GAK: variants seen among roughly 807,000 people sequenced by gnomAD.
GAK encodes the protein cyclin-G-associated kinase.
In GAK, 79 loss-of-function variants were observed where a neutral mutation model predicts 143.9. The observed-to-expected ratio is 0.55, with a 90% confidence interval of 0.46 to 0.66. The LOEUF (loss-of-function observed/expected upper bound fraction) is 0.66, where lower values mean the gene tolerates loss of function less well. GAK is among the 30% of genes least tolerant of loss of function. The pLI is 0.00. For synonymous variants in GAK, 881 were observed against 765.5 expected (o/e 1.15, Z -2.49); for missense variants, 1,693 against 1,779.7 (o/e 0.95, Z 0.88).
At chr4:909,549 G>C (rs1577272647) in intron 4 of GAK, among the ~76,000 whole-genome samples, 1 of 151,890 alleles carries the variant, frequency 6.6e-6, no homozygotes, top group East Asian at 1.9e-4. Flanking sequence ...GGAGAGACAG[G>C]GACGGGAAGG....
At chr4:917,879 T>C (rs1395117316) in intron 1 of GAK, among the ~76,000 whole-genome samples, 2 of 152,044 alleles carry the variant, frequency 1.3e-5, no homozygotes, top group Non-Finnish European at 2.9e-5. Flanking sequence ...ATCCATGAAA[T>C]AGAAAATAGA....
chr4:875,195 A>G (rs778812737), intron 18 of GAK, among the ~76,000 whole-genome samples: 1 of 152,100 alleles, frequency 6.6e-6, no homozygotes, highest in Admixed American at 6.5e-5. Flanking sequence ...TTAAAACACT[A>G]TTTTAAGCAC....
chr4:866,273 G>T, intron 22 of GAK, 91 bp downstream of exon 22: 1 of 1,356,922 alleles, frequency 7.4e-7, no homozygotes, highest in Non-Finnish European at 1.0e-6. Context: ...CCCCACCACT[G>T]CCTGAGACCC....
intron 1 of GAK, among the ~76,000 whole-genome samples, chr4:928,990 G>A (rs979051138): frequency 2.0e-5 from 3 of 148,310 alleles, no homozygotes; most frequent in Non-Finnish European, 3.0e-5. Flanking sequence ...TCGAACTCCC[G>A]ATCTCAGGTA....
At chr4:867,781 C>T (rs954770451) in intron 20 of GAK, among the ~76,000 whole-genome samples, 5 of 152,124 alleles carry the variant, frequency 3.3e-5, no homozygotes, top group African/African-American at 7.2e-5. Flanking sequence ...GGCCCCTCAG[C>T]GCCTCCTTGG....
intron 9 of GAK, 59 bp from the exon 10 acceptor site, chr4:890,681 G>A (rs1051612003): frequency 2.0e-5 from 28 of 1,420,050 alleles, no homozygotes; most frequent in Admixed American, 1.8e-4. Flanking sequence ...GCCTGCCCAC[G>A]TCGGGCAGAG....
In GAK at chr4:913,638, T is replaced by A; in HGVS notation, c.176A>T (p.Asp59Val). The change falls in exon 2 of 28, where the codon GAT becomes GTT. Residue 59 changes from aspartate (D) to valine (V), a missense_variant. Transcript: ENST00000314167. ...TGCATACTCTCTGCCACTCCCCACA[T>A]CTTGAGCTTCATACACAAATGCAAA... ...GGFAFVYEAQ[D>V]VGSGREYALK... 1 of 1,613,672 alleles carries A rather than the reference T, an allele frequency of 6.2e-7. No individual in the cohort carries two copies. Among genetic ancestry groups the A allele is most frequent in the Non-Finnish European group, 8.5e-7 (1 of 1,179,654 alleles).
rs561458769 is a variant in GAK, at chr4:923,672, C to G, written c.145+8371G>C. On this transcript the variant is annotated intron_variant, in intron 1 of 27. Coordinates refer to ENST00000314167, the MANE Select transcript of GAK (RefSeq NM_005255.4). ...CCTGGGCAACAAAGCAAGACCTCATCTCAAGGGCAGGGAGTGGAGGGGTGG... is the reference window on the plus strand; with the variant it reads ...CCTGGGCAACAAAGCAAGACCTCATGTCAAGGGCAGGGAGTGGAGGGGTGG... Among the ~76,000 whole-genome samples the G allele has an allele frequency of 2.0e-5, 3 of 151,318 alleles. No homozygotes were observed. The East Asian group carries it at 5.9e-4, about 30-fold the overall frequency.
intron 18 of GAK, among the ~76,000 whole-genome samples, chr4:871,277 C>T (rs777371978): frequency 1.3e-4 from 20 of 152,256 alleles, no homozygotes; most frequent in South Asian, 6.2e-4. Flanking sequence ...GACAACATCC[C>T]ACAGCTGGAG....
At chr4:909,526 C>T (rs1032303280) in intron 4 of GAK, among the ~76,000 whole-genome samples, 9 of 152,124 alleles carry the variant, frequency 5.9e-5, no homozygotes, top group East Asian at 1.9e-4. Flanking sequence ...CCGGGAGCGG[C>T]GTGTCAGGGA....
chr4:882,880 C>T (rs1324707355), intron 13 of GAK, 61 bp from the exon 14 acceptor site: 1 of 1,581,822 alleles, frequency 6.3e-7, no homozygotes, highest in East Asian at 2.2e-5. Context: ...CCTTGGTCAG[C>T]TAGGAGGGAC....
At chr4:892,535 C>T (rs1304164619) in intron 9 of GAK, among the ~76,000 whole-genome samples, 3 of 152,210 alleles carry the variant, frequency 2.0e-5, no homozygotes, top group African/African-American at 7.2e-5. Flanking sequence ...CCCTCCCAGG[C>T]CTCACACTTC....
intron 18 of GAK, among the ~76,000 whole-genome samples, chr4:874,284 C>A (rs540483728): frequency 6.6e-6 from 1 of 152,180 alleles, no homozygotes; most frequent in Non-Finnish European, 1.5e-5. Flanking sequence ...GTGTTTTAAG[C>A]AGCTGGTGCT....
At chr4:924,201 C>T (rs1486871021) in intron 1 of GAK, among the ~76,000 whole-genome samples, 1 of 131,778 alleles carries the variant, frequency 7.6e-6, no homozygotes, top group Non-Finnish European at 1.6e-5. Context: ...AAAAAAATTG[C>T]TGAACATCAT....
chr4:861,145 C>A (rs1179015735), intron 23 of GAK, among the ~76,000 whole-genome samples: 3 of 152,138 alleles, frequency 2.0e-5, no homozygotes, highest in Admixed American at 2.0e-4. Context: ...CCTTCTCAAG[C>A]CTCCCTATTC....
Position 854,094 on chromosome 4 carries a change from G to A in GAK, c.3284-2120C>T, listed in dbSNP as rs187971012. 3.0e-4 allele frequency among the ~76,000 whole-genome samples: 46 copies of A among 151,556 alleles called. 1 individual carries two copies. The highest frequency in any genetic ancestry group is 1.1e-3 in the African/African-American group (46 of 41,356). ...ATTACAGGCATGAGCCACCATGCCC[G>A]GCCGTCTCTCGCCCATTTTCTTTCT... On this transcript the variant is annotated intron_variant, in intron 24 of 27. Coordinates refer to ENST00000314167, the MANE Select transcript of GAK (RefSeq NM_005255.4).
chr4:884,284 T>G, intron 11 of GAK, 198 bp from the exon 12 acceptor site: 1 of 566,550 alleles, frequency 1.8e-6, no homozygotes, highest in South Asian at 2.1e-5. Context: ...GACCCCTACA[T>G]CAGAAACGGA....
chr4:894,217 C>T, intron 7 of GAK: 1 of 472,514 alleles, frequency 2.1e-6, no homozygotes, highest in Non-Finnish European at 3.4e-6. Context: ...GACACCGGGG[C>T]CTGCGGGAAC....
chr4:870,134 C>T (rs1437549466), intron 19 of GAK, among the ~76,000 whole-genome samples: 3 of 152,202 alleles, frequency 2.0e-5, no homozygotes, highest in Admixed American at 6.5e-5. Flanking sequence ...GACACATACA[C>T]AGCACGCACA....
Sources: allele counts gnomAD v4.1 joint callset (sites outside exome capture counted in the v4.1 genomes callset), GRCh38; gene constraint gnomAD v4.1.1; transcripts MANE v1.5; gene names NCBI Gene and HGNC (gene_info 2026-07-23, HGNC 2026-07-21).